Variants in BRMS1L observed in about 807,000 individuals in gnomAD.
BRMS1L encodes breast cancer metastasis-suppressor 1-like protein.
BRMS1L carries 23 observed loss-of-function variants against 50.3 expected under a neutral mutation model. The ratio of observed to expected loss-of-function variants is 0.46; its 90% CI spans 0.33 to 0.65. The LOEUF is 0.65. Ranked by LOEUF, BRMS1L falls within the 30% of genes least tolerant of loss-of-function variation. BRMS1L has a pLI of 0.02. For missense variants in BRMS1L, 286 were observed against 386.1 expected (o/e 0.74, Z 2.17); for synonymous variants, 114 against 126.9 (o/e 0.90, Z 0.69).
intron 1 of BRMS1L, 90 bp from the exon 2 acceptor site, chr14:35,831,320 T>C: frequency 1.2e-6 from 1 of 855,030 alleles, no homozygotes; most frequent in East Asian, 2.5e-5. Context: ...CAGTTTTTCT[T>C]CCTATTTGAA....
intron 4 of BRMS1L, among the ~76,000 whole-genome samples, chr14:35,840,166 T>G (rs909586778): frequency 6.6e-6 from 1 of 152,196 alleles, no homozygotes; most frequent in Non-Finnish European, 1.5e-5. Flanking sequence ...ATGTGATGGA[T>G]TACGTTTATT....
intron 9 of BRMS1L, among the ~76,000 whole-genome samples, chr14:35,868,331 A>T (rs1394478430): frequency 6.6e-6 from 1 of 152,242 alleles, no homozygotes; most frequent in Admixed American, 6.5e-5. Flanking sequence ...GGATCGTGCT[A>T]TAATGACCCT....
chr14:35,849,618 A>G (rs1443925361), intron 4 of BRMS1L, among the ~76,000 whole-genome samples: 1 of 151,926 alleles, frequency 6.6e-6, no homozygotes, highest in African/African-American at 2.4e-5. Flanking sequence ...TCTTTTTGAT[A>G]ATGGCCATTC....
chr14:35,832,260 T>G (rs565933575), intron 2 of BRMS1L, among the ~76,000 whole-genome samples: 1 of 141,916 alleles, frequency 7.0e-6, no homozygotes, highest in South Asian at 2.3e-4. Flanking sequence ...ATCCCAGCAT[T>G]TTGGGAGGCT....
chr14:35,857,398 C>G (rs1346924827), intron 4 of BRMS1L, among the ~76,000 whole-genome samples: 2 of 151,582 alleles, frequency 1.3e-5, no homozygotes, highest in Non-Finnish European at 2.9e-5. Flanking sequence ...GTCTTCTGTC[C>G]TATTTTTAAA....
chr14:35,834,700 A>G (rs977018987), intron 3 of BRMS1L, 144 bp from the exon 4 acceptor site: 5 of 418,922 alleles, frequency 1.2e-5, no homozygotes, highest in African/African-American at 1.0e-4. Context: ...TTTTATTTTT[A>G]GTCTTTAAAG....
chr14:35,848,916 G>T (rs779275020), intron 4 of BRMS1L, among the ~76,000 whole-genome samples: 1 of 152,170 alleles, frequency 6.6e-6, no homozygotes, highest in Non-Finnish European at 1.5e-5. Flanking sequence ...GGTGAATAAT[G>T]CTGTAGTGAA....
At chr14:35,839,714 T>C (rs1272154240) in intron 4 of BRMS1L, among the ~76,000 whole-genome samples, 5 of 152,246 alleles carry the variant, frequency 3.3e-5, no homozygotes, top group African/African-American at 7.2e-5. Flanking sequence ...TTTTTGCACA[T>C]TGATTTTGTA....
chr14:35,833,873 C>T (rs1312673030), intron 3 of BRMS1L, among the ~76,000 whole-genome samples: 3 of 152,086 alleles, frequency 2.0e-5, no homozygotes, highest in Non-Finnish European at 2.9e-5. Flanking sequence ...CCTCCTTTAA[C>T]CAAATTTTAT....
At chr14:35,857,281 A>ATG (rs553372278) in intron 4 of BRMS1L, among the ~76,000 whole-genome samples, 3,066 of 143,088 alleles carry the variant, frequency 0.021, 66 homozygotes, top group African/African-American at 0.053. Flanking sequence ...ATACATATAT[A>ATG]TGTGTGTGTG....
intron 1 of BRMS1L, among the ~76,000 whole-genome samples, chr14:35,828,718 A>G (rs754081838): frequency 8.6e-5 from 13 of 151,914 alleles, no homozygotes; most frequent in South Asian, 6.2e-4. Flanking sequence ...GGCCTCCCCA[A>G]GTGTTAGGAT....
intron 4 of BRMS1L, among the ~76,000 whole-genome samples, chr14:35,842,920 A>G (rs1179358941): frequency 6.6e-6 from 1 of 152,000 alleles, no homozygotes; most frequent in Non-Finnish European, 1.5e-5. Context: ...ATTTTATTTC[A>G]TTAAGTTGAT....
rs560407667 is a variant in BRMS1L, at chr14:35,834,528, T to C, written c.362-316T>C. Among the ~76,000 whole-genome samples the C allele has an allele frequency of 7.2e-5, 11 of 152,314 alleles. No individual in the cohort carries two copies. The East Asian group carries it at 2.1e-3, about 29-fold the overall frequency. ...TTCTATTTTGAGAAACTTGAGAGAT[T>C]GTTTTTCACAGGAAAAGAGTTTTAT... On this transcript the variant is annotated intron_variant, in intron 3 of 9. Transcript: ENST00000216807.
intron 2 of BRMS1L, 38 bp from the exon 3 acceptor site, chr14:35,832,940 G>T (rs768400848): frequency 1.3e-6 from 2 of 1,554,692 alleles, no homozygotes; most frequent in Admixed American, 3.6e-5. Context: ...CCTTTGTTGA[G>T]ATTTTTAAAT....
chr14:35,858,153 C>A (rs1011788179), intron 4 of BRMS1L, among the ~76,000 whole-genome samples: 5 of 152,084 alleles, frequency 3.3e-5, no homozygotes, highest in African/African-American at 4.8e-5. Flanking sequence ...TCTAGAATGA[C>A]CTAGAAAACC....
Position 35,870,498 on chromosome 14 carries a change from A to G in BRMS1L, c.*21A>G. ...CATAATCATGATTTAAGTGTTATCTAAATTTACCTTATTAGTGTTACCAAA... is the reference window on the plus strand; with the variant it reads ...CATAATCATGATTTAAGTGTTATCTGAATTTACCTTATTAGTGTTACCAAA... On this transcript the variant is annotated 3_prime_UTR_variant, in exon 10 of 10. Coordinates refer to ENST00000216807, the MANE Select transcript of BRMS1L (RefSeq NM_032352.4). 1 of 1,462,068 alleles carries G rather than the reference A, an allele frequency of 6.8e-7. No individual in the cohort carries two copies. Among genetic ancestry groups the G allele is most frequent in the Non-Finnish European group, 9.5e-7 (1 of 1,051,848 alleles). The allele number at this position is 1,462,068 out of a possible 1,614,324, so 90.6% of individuals were successfully genotyped here.
At chr14:35,852,823 C>G (rs188913835) in intron 4 of BRMS1L, among the ~76,000 whole-genome samples, 2 of 152,072 alleles carry the variant, frequency 1.3e-5, no homozygotes, top group East Asian at 1.9e-4. Flanking sequence ...CCCAGCTACT[C>G]AGGAGGCTGA....
chr14:35,828,930 A>T (rs974202222), intron 1 of BRMS1L, among the ~76,000 whole-genome samples: 1 of 151,740 alleles, frequency 6.6e-6, no homozygotes. Flanking sequence ...AGGAGACTGT[A>T]TGGGAATATA....
At position 35,834,873 on chromosome 14, in the gene BRMS1L, G is replaced by A. The variant is rs766926898; in HGVS notation, c.391G>A (p.Val131Ile). The A allele has an allele frequency of 8.8e-6, 14 of 1,592,944 alleles. 1 individual carries two copies. In the South Asian group the frequency reaches 1.5e-4, roughly 17 times the overall value. The change falls in exon 4 of 10, where the codon GTA (valine) becomes ATA (isoleucine). Residue 131 changes from valine (V) to isoleucine (I), a missense_variant. By Grantham distance (29) the Val-to-Ile change is conservative. This residue lies in a region of BRMS1L where 160 missense variants were observed against 240.6 expected (regional missense o/e 0.66). Coordinates refer to ENST00000216807, the MANE Select transcript of BRMS1L (RefSeq NM_032352.4). Reference sequence around the variant, plus strand: ...CTATAGAGAGCTCTGCTTAGAATCTGTAAAGAACAAATATGAATGTGAAAT... The same window carrying A: ...CTATAGAGAGCTCTGCTTAGAATCTATAAAGAACAAATATGAATGTGAAAT... ...GIYRELCLES[V>I]KNKYECEIQA...
Sources: allele counts gnomAD v4.1 joint callset (sites outside exome capture counted in the v4.1 genomes callset), GRCh38; gene constraint gnomAD v4.1.1; regional missense constraint gnomAD v4.1.1; transcripts MANE v1.5; gene names NCBI Gene and HGNC (gene_info 2026-07-23, HGNC 2026-07-21).